Variants in MCTP1 observed in about 807,000 individuals in gnomAD.
MCTP1 encodes multiple C2 and transmembrane domain-containing protein 1.
A neutral mutation model predicts 120.6 loss-of-function variants in MCTP1; 69 were observed. The observed-to-expected ratio is 0.57, with a 90% CI of 0.47 to 0.70. The LOEUF (loss-of-function observed/expected upper bound fraction) is 0.70, where lower values mean the gene tolerates loss of function less well. Among genes scored for constraint, MCTP1 ranks in the 30% least tolerant of loss-of-function variants. MCTP1 has a pLI of 0.00. For missense variants in MCTP1, 1,203 were observed against 1,248.8 expected (o/e 0.96, Z 0.55); for synonymous variants, 529 against 493.1 (o/e 1.07, Z -0.96).
chr5:95,092,192 T>C (rs902925800), intron 1 of MCTP1, among the ~76,000 whole-genome samples: 1 of 152,210 alleles, frequency 6.6e-6, no homozygotes, highest in African/African-American at 2.4e-5. Context: ...TTATTTTGTT[T>C]TGTTTAGCTG....
At chr5:94,877,584 T>G (rs1197823394) in intron 12 of MCTP1, 3 of 152,138 alleles carry the variant, frequency 2.0e-5, no homozygotes, top group South Asian at 2.1e-4. Context: ...GCGTCTTTTC[T>G]GGCAATCTTC....
chr5:95,260,933 CA>C (rs1297774067), intron 1 of MCTP1, among the ~76,000 whole-genome samples: 1 of 152,062 alleles, frequency 6.6e-6, no homozygotes, highest in East Asian at 1.9e-4. Flanking sequence ...ATTTTTGGTT[CA>C]ATTCTTTGAT....
chr5:94,785,780 A>G (rs191069791), intron 18 of MCTP1, among the ~76,000 whole-genome samples: 1 of 152,096 alleles, frequency 6.6e-6, no homozygotes, highest in South Asian at 2.1e-4. Flanking sequence ...AAAGGTACAC[A>G]TTATTTAAAA....
chr5:94,798,945 T>C (rs1420621720), intron 18 of MCTP1, 68 bp downstream of exon 18: 35 of 1,520,488 alleles, frequency 2.3e-5, no homozygotes, highest in Non-Finnish European at 3.0e-5. Flanking sequence ...CCAAATTCAA[T>C]GTTGATCTTG....
intron 1 of MCTP1, among the ~76,000 whole-genome samples, chr5:95,069,489 C>G (rs1751553296): frequency 6.7e-6 from 1 of 149,584 alleles, no homozygotes; most frequent in Admixed American, 6.7e-5. Flanking sequence ...CAGAAATATG[C>G]TACATTTTGA....
intron 19 of MCTP1, among the ~76,000 whole-genome samples, chr5:94,719,157 C>T (rs1760261868): frequency 6.6e-6 from 1 of 152,128 alleles, no homozygotes; most frequent in Admixed American, 6.5e-5. Flanking sequence ...AGTCAAGAAA[C>T]AACAGATGCT....
intron 5 of MCTP1, among the ~76,000 whole-genome samples, chr5:94,938,115 T>C (rs1816655903): frequency 1.3e-5 from 2 of 152,052 alleles, no homozygotes; most frequent in African/African-American, 2.4e-5. Flanking sequence ...GGCCTCCTAA[T>C]TGGTCTCCAG....
At chr5:95,068,790 C>T in intron 1 of MCTP1, 1 of 1,275,664 alleles carries the variant, frequency 7.8e-7, no homozygotes, top group Non-Finnish European at 1.0e-6. Context: ...CTTACGTTTA[C>T]TGCATTTAGT....
At chr5:94,905,692 C>A (rs1418128115) in intron 10 of MCTP1, among the ~76,000 whole-genome samples, 1 of 152,188 alleles carries the variant, frequency 6.6e-6, no homozygotes, top group Non-Finnish European at 1.5e-5. Flanking sequence ...ATGTGTGGGA[C>A]TGAAGGTTAG....
At chr5:94,723,202 C>T (rs912312293) in intron 19 of MCTP1, among the ~76,000 whole-genome samples, 1 of 152,144 alleles carries the variant, frequency 6.6e-6, no homozygotes, top group African/African-American at 2.4e-5. Context: ...GTGCAGTTTA[C>T]TTGGTGCCTT....
intron 19 of MCTP1, among the ~76,000 whole-genome samples, chr5:94,772,974 G>C (rs117983507): frequency 0.011 from 1,653 of 152,246 alleles, 49 homozygotes; most frequent in Admixed American, 0.062. Context: ...GGTTGAACTA[G>C]ATTATTTCTT....
chr5:94,747,948 G>A (rs762072902), intron 19 of MCTP1, among the ~76,000 whole-genome samples: 51 of 152,144 alleles, frequency 3.4e-4, no homozygotes, highest in Admixed American at 1.4e-3. Context: ...AAAATTGCTC[G>A]GCGTAGTGGC....
chr5:94,740,650 C>T (rs947872624), intron 19 of MCTP1, among the ~76,000 whole-genome samples: 3 of 152,096 alleles, frequency 2.0e-5, no homozygotes, highest in Non-Finnish European at 2.9e-5. Context: ...ATGCAAAGTA[C>T]GTAGAGCTTC....
intron 1 of MCTP1, among the ~76,000 whole-genome samples, chr5:95,205,407 A>T (rs1385449396): frequency 6.6e-6 from 1 of 152,136 alleles, no homozygotes; most frequent in African/African-American, 2.4e-5. Context: ...AAGAAAACAC[A>T]GGTATGATTC....
At chr5:94,845,740 C>A (rs1268768755) in intron 17 of MCTP1, among the ~76,000 whole-genome samples, 2 of 151,986 alleles carry the variant, frequency 1.3e-5, no homozygotes, top group Non-Finnish European at 2.9e-5. Context: ...TTTGTAGAGA[C>A]AGGGTTTTGC....
At chr5:95,083,971 G>A (rs1054561852) in intron 1 of MCTP1, among the ~76,000 whole-genome samples, 21 of 152,142 alleles carry the variant, frequency 1.4e-4, no homozygotes, top group Non-Finnish European at 2.9e-4. Context: ...CCTAAAAGAT[G>A]TTAAGCAGAA....
intron 1 of MCTP1, among the ~76,000 whole-genome samples, chr5:95,192,573 GC>G (rs1357301264): frequency 6.6e-6 from 1 of 152,030 alleles, no homozygotes; most frequent in Non-Finnish European, 1.5e-5. Flanking sequence ...CAATAAAAGG[GC>G]AGACATATTT....
chr5:95,098,860 G>C (rs1461368241), intron 1 of MCTP1, among the ~76,000 whole-genome samples: 1 of 152,082 alleles, frequency 6.6e-6, no homozygotes, highest in Non-Finnish European at 1.5e-5. Flanking sequence ...CACACTACCT[G>C]ACTTCAAACT....
intron 19 of MCTP1, among the ~76,000 whole-genome samples, chr5:94,730,835 G>A (rs1279415140): frequency 1.3e-5 from 2 of 151,880 alleles, no homozygotes; most frequent in Non-Finnish European, 2.9e-5. Context: ...TCACCATTTG[G>A]GAACCTCTAT....
Sources: gnomAD v4.1 joint callset for allele counts (sites outside exome capture counted in the v4.1 genomes callset) on GRCh38, gnomAD v4.1.1 for gene constraint, MANE v1.5 for transcripts, NCBI Gene and HGNC (gene_info 2026-07-23, HGNC 2026-07-21) for gene names.